Variants in JAZF1 observed in about 807,000 individuals in gnomAD.
The protein encoded by JAZF1 is juxtaposed with another zinc finger protein 1.
JAZF1 carries 8 observed loss-of-function variants against 26.4 expected under a neutral mutation model. That is an observed-to-expected ratio of 0.30 (90% CI 0.18 to 0.55). The LOEUF (loss-of-function observed/expected upper bound fraction) is 0.55. Among genes scored for constraint, JAZF1 ranks in the 20% least tolerant of loss-of-function variants. The probability of loss-of-function intolerance (pLI) is 0.94; values close to 1 mark genes in which losing one functional copy is unlikely to be tolerated. For missense variants in JAZF1, 199 were observed against 322.0 expected (o/e 0.62, Z 2.92); for synonymous variants, 126 against 122.3 (o/e 1.03, Z -0.20).
chr7:28,059,483 TG>T (rs1176114491), intron 1 of JAZF1, among the ~76,000 whole-genome samples: 2 of 152,230 alleles, frequency 1.3e-5, no homozygotes. Flanking sequence ...AATCACCTCC[TG>T]ACTGACATGC....
At chr7:28,088,197 G>A (rs1194633923) in intron 1 of JAZF1, among the ~76,000 whole-genome samples, 1 of 152,186 alleles carries the variant, frequency 6.6e-6, no homozygotes, top group Non-Finnish European at 1.5e-5. Context: ...AGTGGTGCAG[G>A]GACATGGTAG....
At chr7:27,933,680 G>A (rs1784720711) in intron 2 of JAZF1, among the ~76,000 whole-genome samples, 2 of 152,094 alleles carry the variant, frequency 1.3e-5, no homozygotes. Context: ...CACACTTGTG[G>A]ACAAGATGTT....
At chr7:28,140,876 A>C (rs1782950537) in intron 1 of JAZF1, among the ~76,000 whole-genome samples, 1 of 71,644 alleles carries the variant, frequency 1.4e-5, no homozygotes, top group Admixed American at 1.8e-4. Context: ...TGACTTCAAG[A>C]ACTTTACATA....
chr7:28,104,690 G>T (rs1445182064), intron 1 of JAZF1, among the ~76,000 whole-genome samples: 1 of 152,106 alleles, frequency 6.6e-6, no homozygotes, highest in Non-Finnish European at 1.5e-5. Context: ...TGGTAACTGA[G>T]AATTCCTACA....
At chr7:27,851,645 G>A (rs905901854) in intron 3 of JAZF1, among the ~76,000 whole-genome samples, 2 of 152,164 alleles carry the variant, frequency 1.3e-5, no homozygotes, top group Non-Finnish European at 2.9e-5. Context: ...AGTGAGTGGT[G>A]ATGGCACCAC....
intron 2 of JAZF1, among the ~76,000 whole-genome samples, chr7:27,945,609 C>T (rs898034171): frequency 1.0e-4 from 15 of 149,920 alleles, no homozygotes; most frequent in African/African-American, 3.1e-4. Flanking sequence ...TGTGGTTCAT[C>T]ACCATGCCCT....
chr7:28,060,765 C>T (rs952718515), intron 1 of JAZF1, among the ~76,000 whole-genome samples: 24 of 152,174 alleles, frequency 1.6e-4, no homozygotes, highest in African/African-American at 5.3e-4. Flanking sequence ...TACAGTTCAA[C>T]TTGGGTGGGC....
chr7:28,050,031 G>A lies in JAZF1; in HGVS notation c.116-58050C>T, dbSNP rs1288763953. Reference sequence around the variant, plus strand: ...GCTCCAACCTTCTAACCATGGCTTGGTCTTTCTGGTGGCCAGCCCCATTCA... The same window carrying A: ...GCTCCAACCTTCTAACCATGGCTTGATCTTTCTGGTGGCCAGCCCCATTCA... On this transcript the variant is annotated intron_variant, in intron 1 of 4. Coordinates refer to ENST00000283928, the MANE Select transcript of JAZF1 (RefSeq NM_175061.4). Among the ~76,000 whole-genome samples, 5 of 152,174 alleles carry A rather than the reference G, an allele frequency of 3.3e-5. No homozygotes were observed. The South Asian group carries it at 1.0e-3, about 32-fold the overall frequency.
chr7:27,880,107 T>G (rs1783743911), intron 3 of JAZF1, among the ~76,000 whole-genome samples: 1 of 152,238 alleles, frequency 6.6e-6, no homozygotes, highest in African/African-American at 2.4e-5. Context: ...TTTACCCTCC[T>G]TGCTTGACAG....
intron 1 of JAZF1, among the ~76,000 whole-genome samples, chr7:28,030,774 T>C (rs1462743122): frequency 6.6e-6 from 1 of 152,242 alleles, no homozygotes; most frequent in African/African-American, 2.4e-5. Context: ...TCTCTCTCTC[T>C]TTTGGTTTAG....
intron 1 of JAZF1, among the ~76,000 whole-genome samples, chr7:28,131,468 C>T (rs1440552273): frequency 6.6e-6 from 1 of 152,120 alleles, no homozygotes; most frequent in Non-Finnish European, 1.5e-5. Flanking sequence ...AATAAAACCA[C>T]GATATGCACT....
At position 27,872,330 on chromosome 7, in the gene JAZF1, A is replaced by G. The variant is rs554458966; in HGVS notation, c.385+22890T>C. Among the ~76,000 whole-genome samples the G allele has an allele frequency of 5.9e-5, 9 of 152,390 alleles. No homozygotes were observed. The South Asian group carries it at 1.9e-3, about 32-fold the overall frequency. ...TCCTGCAATTAAGCTGCAATGTTTT[A>G]CAGTGCAATTTTATTTATAACTGAA... On this transcript the variant is annotated intron_variant, in intron 3 of 4. Transcript: ENST00000283928.
intron 1 of JAZF1, among the ~76,000 whole-genome samples, chr7:28,061,055 G>C (rs1226892483): frequency 6.6e-6 from 1 of 152,162 alleles, no homozygotes; most frequent in African/African-American, 2.4e-5. Context: ...AGGCAGCCTT[G>C]GGAAGTTATT....
chr7:27,849,874 A>T (rs1362145071), intron 3 of JAZF1, among the ~76,000 whole-genome samples: 1 of 151,740 alleles, frequency 6.6e-6, no homozygotes, highest in African/African-American at 2.4e-5. Flanking sequence ...CACTGGCCAC[A>T]AGAAGATTTC....
At chr7:27,863,611 G>C (rs1174505281) in intron 3 of JAZF1, among the ~76,000 whole-genome samples, 1 of 152,184 alleles carries the variant, frequency 6.6e-6, no homozygotes, top group Non-Finnish European at 1.5e-5. Context: ...TGGAATGCAA[G>C]CTCTGCAAAA....
chr7:28,015,414 C>G (rs112871107), intron 1 of JAZF1, among the ~76,000 whole-genome samples: 6 of 152,232 alleles, frequency 3.9e-5, no homozygotes, highest in African/African-American at 1.4e-4. Flanking sequence ...ATAGACTACA[C>G]TAATGTAAGA....
chr7:27,850,813 AT>A lies in JAZF1; in HGVS notation c.386-9947del, dbSNP rs111342674. The stretch of plus-strand genomic sequence containing the variant: ...AGCCATCTTTCAGCTCTGAAGGACC[AT>A]TTTTTTTTTTTTTTTACTTAAGAAC... On this transcript the variant is annotated intron_variant, in intron 3 of 4. Coordinates refer to ENST00000283928, the MANE Select transcript of JAZF1 (RefSeq NM_175061.4). Among the ~76,000 whole-genome samples the A allele has an allele frequency of 5.8e-3, 805 of 139,944 alleles. 2 individuals carry two copies. Among genetic ancestry groups the A allele is most frequent in the Middle Eastern group, 0.023 (6 of 264 alleles). The allele number at this position is 139,944 out of a possible 152,430, so 91.8% of individuals were successfully genotyped here. A position where few individuals can be genotyped will look rare whatever the true frequency, so the allele number is the denominator to read the frequency against.
chr7:28,175,905 G>C (rs1300001937), intron 1 of JAZF1, among the ~76,000 whole-genome samples: 1 of 152,198 alleles, frequency 6.6e-6, no homozygotes, highest in Non-Finnish European at 1.5e-5. Flanking sequence ...TATCTATTTA[G>C]TACACTGTGA....
chr7:27,850,198 A>G (rs1562764507), intron 3 of JAZF1, among the ~76,000 whole-genome samples: 2 of 152,248 alleles, frequency 1.3e-5, no homozygotes, highest in Non-Finnish European at 2.9e-5. Flanking sequence ...TAGATTTATC[A>G]TTATAAATTA....
Sources: gnomAD v4.1 joint callset for allele counts (sites outside exome capture counted in the v4.1 genomes callset) on GRCh38, gnomAD v4.1.1 for gene constraint, MANE v1.5 for transcripts, NCBI Gene and HGNC (gene_info 2026-07-23, HGNC 2026-07-21) for gene names.